Variants in DMD observed in about 807,000 individuals in gnomAD.
The protein encoded by DMD is dystrophin.
A neutral mutation model predicts 330.1 loss-of-function variants in DMD; 63 were observed. The ratio of observed to expected loss-of-function variants is 0.19; its 90% CI spans 0.16 to 0.24. The LOEUF (loss-of-function observed/expected upper bound fraction) is 0.24, where lower values mean the gene tolerates loss of function less well. Among genes scored for constraint, DMD ranks in the 10% least tolerant of loss-of-function variants. The pLI is 1.00. For synonymous variants in DMD, 1,223 were observed against 959.8 expected (o/e 1.27, Z -5.07); for missense variants, 3,344 against 2,684.1 (o/e 1.25, Z -5.43).
intron 49 of DMD, among the ~76,000 whole-genome samples, chrX:31,820,907 T>A (rs764427526): frequency 2.4e-4 from 27 of 111,928 alleles, no homozygotes; most frequent in African/African-American, 6.8e-4. Flanking sequence ...CCTACCACGG[T>A]TAAATTTAAA....
Position 33,195,530 on chromosome X carries a change from C to T in DMD, c.31+15752G>A, listed in dbSNP as rs548737920. ...TCAAAGGAATCCCCACAAATTGGGG[C>T]TCTTTTTTAACTTGGACATTTCCTT... On this transcript the variant is annotated intron_variant, in intron 1 of 78. Transcript: ENST00000357033. Among the ~76,000 whole-genome samples, 156 of 111,847 alleles carry T rather than the reference C, an allele frequency of 1.4e-3. No homozygotes were observed. In the South Asian group the frequency reaches 0.019, roughly 13 times the overall value.
intron 55 of DMD, among the ~76,000 whole-genome samples, chrX:31,564,758 G>C (rs149616592): frequency 0.02 from 2,219 of 111,777 alleles, 19 homozygotes; most frequent in African/African-American, 0.033. Flanking sequence ...TTAATACAAA[G>C]TATTTGCATA....
At chrX:31,654,448 C>T (rs1348368917) in intron 54 of DMD, among the ~76,000 whole-genome samples, 2 of 111,242 alleles carry the variant, frequency 1.8e-5, no homozygotes, top group African/African-American at 6.6e-5. Context: ...TTCTCCATAA[C>T]CCAAATATTG....
chrX:32,541,180 T>C (rs778372546), intron 17 of DMD, among the ~76,000 whole-genome samples: 2 of 111,707 alleles, frequency 1.8e-5, no homozygotes, highest in East Asian at 5.7e-4. Context: ...AACAGGAAGG[T>C]AATTTTACAT....
chrX:31,795,766 A>T (rs1033519195), intron 50 of DMD, among the ~76,000 whole-genome samples: 1 of 112,225 alleles, frequency 8.9e-6, no homozygotes, highest in Non-Finnish European at 1.9e-5. Context: ...AGTAAATTTT[A>T]AAATGATAAT....
chrX:31,670,789 C>T (rs933883793), intron 53 of DMD, among the ~76,000 whole-genome samples: 1 of 111,579 alleles, frequency 9.0e-6, no homozygotes, highest in Non-Finnish European at 1.9e-5. Context: ...ATAAAAATAC[C>T]ATCTTAACTT....
intron 55 of DMD, among the ~76,000 whole-genome samples, chrX:31,523,102 T>C (rs2072979255): frequency 9.0e-6 from 1 of 111,168 alleles, no homozygotes; most frequent in Non-Finnish European, 1.9e-5. Context: ...TGATTCTGTA[T>C]GTCTGGGGTA....
intron 1 of DMD, among the ~76,000 whole-genome samples, chrX:33,044,183 G>A (rs889625313): frequency 4.5e-5 from 5 of 111,939 alleles, no homozygotes; most frequent in African/African-American, 1.6e-4. Context: ...TGTAATCCCA[G>A]TACTTTGGGA....
intron 63 of DMD, among the ~76,000 whole-genome samples, chrX:31,254,129 G>C (rs148461124): frequency 8.9e-6 from 1 of 112,262 alleles, no homozygotes; most frequent in East Asian, 2.8e-4. Flanking sequence ...GGTGCATCTA[G>C]ATTTTAATAA....
chrX:31,645,575 T>C (rs1323900278), intron 54 of DMD, among the ~76,000 whole-genome samples: 2 of 112,543 alleles, frequency 1.8e-5, no homozygotes, highest in African/African-American at 3.2e-5. Context: ...CACTAGAGAA[T>C]ACTATTCAGG....
chrX:33,026,783 ACAGT>A (rs2094013193), intron 1 of DMD, among the ~76,000 whole-genome samples: 1 of 112,029 alleles, frequency 8.9e-6, no homozygotes, highest in Non-Finnish European at 1.9e-5. Context: ...CATTCGCTTT[ACAGT>A]CAATGTAATG....
At chrX:32,497,370 T>C (rs1307979544) in intron 19 of DMD, among the ~76,000 whole-genome samples, 1 of 111,946 alleles carries the variant, frequency 8.9e-6, no homozygotes, top group African/African-American at 3.2e-5. Flanking sequence ...TACTAATAAT[T>C]ACTACTTTTA....
intron 17 of DMD, among the ~76,000 whole-genome samples, chrX:32,518,480 GA>G (rs767188109): frequency 7.5e-5 from 8 of 106,598 alleles, no homozygotes; most frequent in East Asian, 5.9e-4. Context: ...GTATTTATGA[GA>G]AAAAAAAAAT....
chrX:32,845,534 C>T (rs914908729), intron 3 of DMD, among the ~76,000 whole-genome samples: 1 of 111,711 alleles, frequency 9.0e-6, no homozygotes, highest in Non-Finnish European at 1.9e-5. Context: ...ACTACAAGCC[C>T]TTATTAGCTA....
intron 44 of DMD, among the ~76,000 whole-genome samples, chrX:32,087,036 G>T: frequency 9.0e-6 from 1 of 111,483 alleles, no homozygotes; most frequent in Middle Eastern, 4.6e-3. Context: ...TGAAACGAGA[G>T]TAGTATCCTT....
chrX:31,303,166 C>T (rs1374553455), intron 62 of DMD, among the ~76,000 whole-genome samples: 1 of 111,057 alleles, frequency 9.0e-6, no homozygotes, highest in Non-Finnish European at 1.9e-5. Context: ...TAGTATTGCA[C>T]CTGTACTTCA....
intron 47 of DMD, among the ~76,000 whole-genome samples, chrX:31,889,722 T>A (rs1055362024): frequency 9.6e-6 from 1 of 103,921 alleles, no homozygotes; most frequent in Non-Finnish European, 2.0e-5. Context: ...AACCCCGTAT[T>A]TTTCTCCCTC....
At chrX:31,225,774 G>T (rs1311662784) in intron 63 of DMD, among the ~76,000 whole-genome samples, 1 of 111,552 alleles carries the variant, frequency 9.0e-6, no homozygotes, top group Non-Finnish European at 1.9e-5. Flanking sequence ...GCTGGTCCAG[G>T]GACCACACTT....
chrX:32,422,406 C>A (rs892931306), intron 29 of DMD, among the ~76,000 whole-genome samples: 1 of 111,313 alleles, frequency 9.0e-6, no homozygotes, highest in African/African-American at 3.3e-5. Context: ...TGGTGATGAG[C>A]TGAAATTGAG....
Sources: allele counts gnomAD v4.1 joint callset (sites outside exome capture counted in the v4.1 genomes callset), GRCh38; gene constraint gnomAD v4.1.1; transcripts MANE v1.5; gene names NCBI Gene and HGNC (gene_info 2026-07-23, HGNC 2026-07-21).